KIF13A: variants seen among roughly 807,000 people sequenced by gnomAD.
KIF13A encodes the protein kinesin family member 13A.
A neutral mutation model predicts 212.2 loss-of-function variants in KIF13A; 79 were observed. That is an observed-to-expected ratio of 0.37 (90% confidence interval 0.31 to 0.45). The LOEUF (loss-of-function observed/expected upper bound fraction) is 0.45. Ranked by LOEUF, KIF13A falls within the 20% of genes least tolerant of loss-of-function variation. The probability of loss-of-function intolerance (pLI) is 1.00; values close to 1 mark genes in which losing one functional copy is unlikely to be tolerated. For missense variants in KIF13A, 1,901 were observed against 2,209.0 expected, an observed-to-expected ratio of 0.86 and a Z score of 2.79; for synonymous variants, 789 against 808.6, an observed-to-expected ratio of 0.98 and a Z score of 0.41.
rs1366028946 is a variant in KIF13A at position 17,888,164 on chromosome 6, T to C, written c.159+10004A>G. On this transcript the variant is annotated intron_variant, in intron 3 of 38. Coordinates refer to ENST00000259711, the MANE Select transcript of KIF13A (RefSeq NM_022113.6). This position sits in a 1 kb window ranked among gnomAD's most constrained non-coding sequence, Gnocchi z 4.8. The stretch of plus-strand genomic sequence containing the variant: ...GAATGATGATGTTACCATAATCTAT[T>C]TTCCACTACTTAGATTATAGTATAT... 1.3e-5 allele frequency among the ~76,000 whole-genome samples: 2 copies of C among 152,200 alleles called. No individual in the cohort carries two copies. The highest frequency in any genetic ancestry group is 2.9e-5 in the Non-Finnish European group (2 of 68,040).
chr6:17,916,441 G>A (rs540518756), intron 2 of KIF13A, among the ~76,000 whole-genome samples: 10 of 152,252 alleles, frequency 6.6e-5, no homozygotes, highest in African/African-American at 2.2e-4. Context: ...CCAATCTAAG[G>A]ATGGCTAAAA....
chr6:17,864,834 T>C (rs1769199734), intron 4 of KIF13A, among the ~76,000 whole-genome samples: 1 of 152,166 alleles, frequency 6.6e-6, no homozygotes, highest in Non-Finnish European at 1.5e-5. Context: ...TGTCCACACT[T>C]GTGCATAATC....
At chr6:17,970,079 C>T (rs184103322) in intron 2 of KIF13A, among the ~76,000 whole-genome samples, 2,931 of 152,048 alleles carry the variant, frequency 0.019, 42 homozygotes, top group Non-Finnish European at 0.031. Context: ...CCCGCCACCA[C>T]GCCCGGCTAA....
At chr6:17,800,750 G>A (rs1762408075) in intron 20 of KIF13A, among the ~76,000 whole-genome samples, 1 of 151,968 alleles carries the variant, frequency 6.6e-6, no homozygotes, top group African/African-American at 2.4e-5. Context: ...ACAGGTGCCT[G>A]CCACCATGCC....
chr6:17,785,924 C>G lies in KIF13A; in HGVS notation c.3362-283G>C, dbSNP rs1761020165. Reference sequence around the variant, plus strand: ...AGACAAGAGACCCTGTCTCAAAAAACAAGCAAACAAAAACAATAAACAGAT... The same window carrying G: ...AGACAAGAGACCCTGTCTCAAAAAAGAAGCAAACAAAAACAATAAACAGAT... On this transcript the variant is annotated intron_variant, in intron 27 of 38. Coordinates refer to ENST00000259711, the MANE Select transcript of KIF13A (RefSeq NM_022113.6). This position sits in a 1 kb window ranked among gnomAD's most constrained non-coding sequence, Gnocchi z 5.8. Among the ~76,000 whole-genome samples, 1 of 152,076 alleles carries G rather than the reference C, an allele frequency of 6.6e-6. No homozygotes were observed. The highest frequency in any genetic ancestry group is 1.5e-5 in the Non-Finnish European group (1 of 68,012).
intron 16 of KIF13A, among the ~76,000 whole-genome samples, chr6:17,823,026 A>G (rs982775686): frequency 5.0e-5 from 7 of 140,228 alleles, no homozygotes; most frequent in Non-Finnish European, 1.1e-4. Flanking sequence ...TTTTTTCTTC[A>G]TGGTTCTATA....
At chr6:17,763,340 C>T (rs1758673331), downstream of KIF13A, among the ~76,000 whole-genome samples, 1 of 151,898 alleles carries the variant, frequency 6.6e-6, no homozygotes, top group African/African-American at 2.4e-5. Context: ...TGTGCTGGCA[C>T]GTGCCTGTAG....
intron 3 of KIF13A, among the ~76,000 whole-genome samples, chr6:17,879,532 A>T (rs1342891879): frequency 1.3e-5 from 2 of 152,174 alleles, no homozygotes; most frequent in Admixed American, 1.3e-4. Flanking sequence ...CGGTCACTAG[A>T]TGAGCACTGG....
At chr6:17,791,213 A>G (rs1330902125) in intron 25 of KIF13A, among the ~76,000 whole-genome samples, 1 of 151,696 alleles carries the variant, frequency 6.6e-6, no homozygotes, top group Non-Finnish European at 1.5e-5. Context: ...AATGCTTCCT[A>G]TTAATGTAAA....
intron 3 of KIF13A, among the ~76,000 whole-genome samples, chr6:17,890,188 C>CAA (rs71002280): frequency 0.022 from 2,675 of 123,282 alleles, 57 homozygotes; most frequent in African/African-American, 0.042. Context: ...AACTTCGTCT[C>CAA]AAAAAAAAAA....
At position 17,963,865 on chromosome 6, in the gene KIF13A, A is replaced by G. The variant is rs953330974; in HGVS notation, c.146+23189T>C. Among the ~76,000 whole-genome samples the G allele has an allele frequency of 2.6e-5, 4 of 152,252 alleles. No homozygotes were observed. Among genetic ancestry groups the G allele is most frequent in the Admixed American group, 1.3e-4 (2 of 15,296 alleles). ...CCACCATGCCTGGCCAATATGTTCT[A>G]TATCTTAATGGTGATAGTGGTTAAT... On this transcript the variant is annotated intron_variant, in intron 2 of 38. Transcript: ENST00000259711. This position sits in a 1 kb window ranked among gnomAD's most constrained non-coding sequence, Gnocchi z 4.1.
intron 4 of KIF13A, among the ~76,000 whole-genome samples, chr6:17,862,830 C>T (rs1768948686): frequency 6.6e-6 from 1 of 152,094 alleles, no homozygotes; most frequent in Non-Finnish European, 1.5e-5. Flanking sequence ...TGCCTGTAGT[C>T]CCAGCTACTC....
chr6:17,951,364 C>A lies in KIF13A; in HGVS notation c.146+35690G>T. On this transcript the variant is annotated intron_variant, in intron 2 of 38. Coordinates refer to ENST00000259711, the MANE Select transcript of KIF13A (RefSeq NM_022113.6). The surrounding 1 kb of genome is among the most constrained non-coding windows in gnomAD (Gnocchi z 4.9). Reference sequence around the variant, plus strand: ...AAGGCTGGTCTTGAAATCCTCGGCTCAAGTGATCCTCTTGCCTTGGCCTCC... The same window carrying A: ...AAGGCTGGTCTTGAAATCCTCGGCTAAAGTGATCCTCTTGCCTTGGCCTCC... 1.6e-6 allele frequency: 1 copy of A among 641,202 alleles called. No homozygotes were observed. The highest frequency in any genetic ancestry group is 1.7e-5 in the South Asian group (1 of 59,674). The allele number at this position is 641,202 out of a possible 1,614,324, so 39.7% of individuals were successfully genotyped here. A position where few individuals can be genotyped will look rare whatever the true frequency, so the allele number is the denominator to read the frequency against.
Position 17,809,001 on chromosome 6 carries a change from T to C in KIF13A, c.2001-71A>G. 1 of 1,374,902 alleles carries C rather than the reference T, an allele frequency of 7.3e-7. No individual in the cohort carries two copies. The highest frequency in any genetic ancestry group is 9.7e-7 in the Non-Finnish European group (1 of 1,031,052). The allele number at this position is 1,374,902 out of a possible 1,614,324, so 85.2% of individuals were successfully genotyped here. On this transcript the variant is annotated intron_variant, in intron 17 of 38. Coordinates refer to ENST00000259711, the MANE Select transcript of KIF13A (RefSeq NM_022113.6). This position sits in a 1 kb window ranked among gnomAD's most constrained non-coding sequence, Gnocchi z 4.7. ...GCAATCCCGTTTCTAAGTGAGCATC[T>C]TATTAGAAAATGGGAGAAAACTCCT...
At position 17,785,538 on chromosome 6, in the gene KIF13A, C is replaced by T; in HGVS notation, c.3465G>A (p.Gly1155=). Residue 1155 remains glycine, a synonymous_variant, in exon 28 of 39, where the codon GGG becomes GGA. Coordinates refer to ENST00000259711, the MANE Select transcript of KIF13A (RefSeq NM_022113.6). This position sits in a 1 kb window ranked among gnomAD's most constrained non-coding sequence, Gnocchi z 5.8. The stretch of plus-strand genomic sequence containing the variant: ...ACCAGTCGGCAGGTGCCCCAGGAAT[C>T]CCACTGCCTGGGGCTGGCACCAGCA... The part of the protein sequence containing the change: ...NAVLVPAPGS[G]IPGAPADWIP... 2 of 1,587,482 alleles carry T rather than the reference C, an allele frequency of 1.3e-6. No individual in the cohort carries two copies. Among genetic ancestry groups the T allele is most frequent in the Non-Finnish European group, 1.7e-6 (2 of 1,168,512 alleles).
intron 2 of KIF13A, chr6:17,950,811 C>G: frequency 1.0e-6 from 1 of 978,482 alleles, no homozygotes. Context: ...TTAAATCTTT[C>G]TTAATTTTGC....
intron 2 of KIF13A, among the ~76,000 whole-genome samples, chr6:17,977,935 A>T (rs1326151472): frequency 1.3e-5 from 2 of 152,246 alleles, no homozygotes; most frequent in African/African-American, 4.8e-5. Context: ...GTGCAAAAAC[A>T]TTTTAGAGTG....
intron 9 of KIF13A, among the ~76,000 whole-genome samples, chr6:17,846,114 C>T (rs1767022539): frequency 7.4e-6 from 1 of 135,062 alleles, no homozygotes; most frequent in African/African-American, 2.8e-5. Flanking sequence ...CACTACCATG[C>T]CGGGCTGATT....
Position 17,837,209 on chromosome 6 carries a change from T to C in KIF13A, c.943-119A>G, listed in dbSNP as rs2150380371. ...CTATGAAGGAAACATTATGTGGAAA[T>C]GGACTTGCATTTCACAAATAACGTC... On this transcript the variant is annotated intron_variant, in intron 10 of 38. Coordinates refer to ENST00000259711, the MANE Select transcript of KIF13A (RefSeq NM_022113.6). This position sits in a 1 kb window ranked among gnomAD's most constrained non-coding sequence, Gnocchi z 5.4. 1.1e-6 allele frequency: 1 copy of C among 909,462 alleles called. No homozygotes were observed. Among genetic ancestry groups the C allele is most frequent in the East Asian group, 2.4e-5 (1 of 41,114 alleles). The allele number at this position is 909,462 out of a possible 1,614,324, so 56.3% of individuals were successfully genotyped here.
Sources: gnomAD v4.1 joint callset for allele counts (sites outside exome capture counted in the v4.1 genomes callset) on GRCh38, gnomAD v4.1.1 for gene constraint, Gnocchi (gnomAD v3.1) non-coding constraint, MANE v1.5 for transcripts, NCBI Gene and HGNC (gene_info 2026-07-23, HGNC 2026-07-21) for gene names.